The following CFAP61 variants were observed in gnomAD, a reference collection of about 807,000 sequenced individuals.
The protein encoded by CFAP61 is cilia- and flagella-associated protein 61.
CFAP61 carries 107 observed loss-of-function variants against 135.6 expected under a neutral mutation model. The ratio of observed to expected loss-of-function variants is 0.79; its 90% CI spans 0.67 to 0.93. The LOEUF (loss-of-function observed/expected upper bound fraction) is 0.93, where lower values mean the gene tolerates loss of function less well. CFAP61 is among the 40% of genes least tolerant of loss of function. The pLI is 0.00. For synonymous variants in CFAP61, 575 were observed against 578.5 expected (o/e 0.99, Z 0.09); for missense variants, 1,507 against 1,556.2 (o/e 0.97, Z 0.53).
rs2051003749 is a variant in CFAP61, at chr20:20,137,268, C to T, written c.860-5589C>T. 2.0e-5 allele frequency among the ~76,000 whole-genome samples: 3 copies of T among 152,158 alleles called. No homozygotes were observed. In the South Asian group the frequency reaches 6.2e-4, roughly 32 times the overall value. ...ACTGTAACCACTACCTACATTCTCT[C>T]AAGGCCCTAGGGCTCTGCAATCAGC... On this transcript the variant is annotated intron_variant, in intron 8 of 26. Coordinates refer to ENST00000245957, the MANE Select transcript of CFAP61 (RefSeq NM_015585.4).
chr20:20,156,775 T>C (rs2052943527), intron 9 of CFAP61, among the ~76,000 whole-genome samples: 1 of 152,182 alleles, frequency 6.6e-6, no homozygotes, highest in Non-Finnish European at 1.5e-5. Context: ...TAAATACTTA[T>C]AGATTAAATC....
intron 21 of CFAP61, among the ~76,000 whole-genome samples, chr20:20,265,206 C>A (rs1569213704): frequency 6.6e-6 from 1 of 152,210 alleles, no homozygotes; most frequent in Non-Finnish European, 1.5e-5. Context: ...GCACCCAATC[C>A]TGTCAGCCTG....
chr20:20,217,124 C>T (rs2048092431), intron 17 of CFAP61, among the ~76,000 whole-genome samples: 1 of 152,204 alleles, frequency 6.6e-6, no homozygotes, highest in Non-Finnish European at 1.5e-5. Context: ...AACTTTGTAG[C>T]CTTAGCATAC....
intron 17 of CFAP61, among the ~76,000 whole-genome samples, chr20:20,225,046 A>G (rs532887687): frequency 6.6e-6 from 1 of 152,318 alleles, no homozygotes; most frequent in Non-Finnish European, 1.5e-5. Flanking sequence ...AGGATCTTGC[A>G]TGTCTGTTTT....
At chr20:20,154,055 T>C (rs1726294417) in intron 9 of CFAP61, among the ~76,000 whole-genome samples, 1 of 151,990 alleles carries the variant, frequency 6.6e-6, no homozygotes, top group Non-Finnish European at 1.5e-5. Flanking sequence ...GTTTAACATA[T>C]ACAAGTTAAT....
At position 20,142,879 on chromosome 20, in the gene CFAP61, C is replaced by T. The variant is rs1416450788; in HGVS notation, c.882C>T (p.Ser294=). ...AAGATGCTGAGCTCAGGAGTAGCAG[C>T]CAAGGTTCCCAAAAAATAGTCGAGG... ...RSQDAELRSS[S]QGSQKIVEEL... is the part of the protein sequence containing the mutation. Residue 294 remains serine, a synonymous_variant, in exon 9 of 27, where the codon AGC becomes AGT. Coordinates refer to ENST00000245957, the MANE Select transcript of CFAP61 (RefSeq NM_015585.4). 10 of 1,604,742 alleles carry T rather than the reference C, an allele frequency of 6.2e-6. No individual in the cohort carries two copies. The highest frequency in any genetic ancestry group is 7.7e-6 in the Non-Finnish European group (9 of 1,174,858).
At chr20:20,292,728 C>T (rs1312348291) in intron 24 of CFAP61, among the ~76,000 whole-genome samples, 1 of 152,204 alleles carries the variant, frequency 6.6e-6, no homozygotes, top group Admixed American at 6.5e-5. Context: ...CCTGGGCTTC[C>T]TCACAGTATG....
intron 8 of CFAP61, among the ~76,000 whole-genome samples, chr20:20,140,059 G>T (rs2051246640): frequency 6.6e-6 from 1 of 150,648 alleles, no homozygotes; most frequent in Admixed American, 6.6e-5. Flanking sequence ...GTAAAAGTTG[G>T]AAGAGTGGAT....
intron 25 of CFAP61, among the ~76,000 whole-genome samples, chr20:20,317,190 T>C (rs990013686): frequency 6.6e-6 from 1 of 152,018 alleles, no homozygotes; most frequent in Admixed American, 6.5e-5. Context: ...GCAAGTCTCT[T>C]GATTCCTCTA....
intron 9 of CFAP61, among the ~76,000 whole-genome samples, chr20:20,145,562 G>A (rs575117583): frequency 7.9e-5 from 12 of 152,132 alleles, no homozygotes; most frequent in Middle Eastern, 3.2e-3. Context: ...CAAATGTCCC[G>A]ATTAAAGATC....
chr20:20,276,973 T>G (rs2053811178), intron 21 of CFAP61, among the ~76,000 whole-genome samples, 193 bp from the exon 22 acceptor site: 1 of 152,200 alleles, frequency 6.6e-6, no homozygotes, highest in Non-Finnish European at 1.5e-5. Context: ...TTAAAAGTAC[T>G]TGACTACTTT....
intron 21 of CFAP61, among the ~76,000 whole-genome samples, chr20:20,270,591 C>T (rs747915116): frequency 2.0e-4 from 30 of 151,922 alleles, no homozygotes; most frequent in Admixed American, 1.7e-3. Flanking sequence ...CTCTTACATA[C>T]TGCCTTTAGG....
chr20:20,304,293 TGTGTGTGTGTGA>T (rs1208038184), intron 25 of CFAP61, among the ~76,000 whole-genome samples: 8 of 149,644 alleles, frequency 5.3e-5, no homozygotes, highest in African/African-American at 1.3e-4. Flanking sequence ...TGTGTGTGTG[TGTGTGTGTGTGA>T]GAGAGAGAGA....
At chr20:20,335,181 G>C (rs148011625) in intron 25 of CFAP61, among the ~76,000 whole-genome samples, 24 of 152,204 alleles carry the variant, frequency 1.6e-4, no homozygotes, top group Middle Eastern at 3.4e-3. Context: ...AATATTCTGT[G>C]GGTTTTTTTC....
chr20:20,106,000 CTATATATATATATATATA>C (rs10523115), intron 8 of CFAP61, among the ~76,000 whole-genome samples: 22,325 of 102,714 alleles, frequency 0.22, 2,937 homozygotes, highest in Middle Eastern at 0.26. Flanking sequence ...CTACTCTTGC[CTATATATATATATATATA>C]TATATATATA....
intron 25 of CFAP61, among the ~76,000 whole-genome samples, chr20:20,327,986 C>T (rs942901853): frequency 3.3e-5 from 5 of 152,160 alleles, no homozygotes; most frequent in Non-Finnish European, 5.9e-5. Context: ...ACACCCCTTG[C>T]TTTCAGGCAC....
At chr20:20,253,107 A>G (rs1380328078) in intron 20 of CFAP61, among the ~76,000 whole-genome samples, 4 of 152,200 alleles carry the variant, frequency 2.6e-5, no homozygotes, top group Non-Finnish European at 5.9e-5. Flanking sequence ...GCAGATTAGG[A>G]GCAGGAGGCC....
chr20:20,203,324 T>G (rs926553216), intron 17 of CFAP61, among the ~76,000 whole-genome samples: 4 of 152,244 alleles, frequency 2.6e-5, no homozygotes, highest in African/African-American at 7.2e-5. Flanking sequence ...ATTGACATCA[T>G]AGACCTGAAA....
intron 18 of CFAP61, 177 bp downstream of exon 18, chr20:20,228,553 T>C (rs1175978542): frequency 3.9e-6 from 2 of 512,004 alleles, no homozygotes; most frequent in South Asian, 3.8e-5. Flanking sequence ...TAGCAAACTA[T>C]AGCCCTGAGG....
Sources: allele counts gnomAD v4.1 joint callset (sites outside exome capture counted in the v4.1 genomes callset), GRCh38; gene constraint gnomAD v4.1.1; transcripts MANE v1.5; gene names NCBI Gene and HGNC (gene_info 2026-07-23, HGNC 2026-07-21).